RARB: variants seen among roughly 807,000 people sequenced by gnomAD.
The protein encoded by RARB is HBV-activated protein.
RARB carries 17 observed loss-of-function variants against 51.9 expected under a neutral mutation model. The ratio of observed to expected loss-of-function variants is 0.33; its 90% CI spans 0.22 to 0.49. The LOEUF (loss-of-function observed/expected upper bound fraction) is 0.49. RARB is among the 20% of genes least tolerant of loss of function. The probability of loss-of-function intolerance (pLI) is 0.99; values close to 1 mark genes in which losing one functional copy is unlikely to be tolerated. For synonymous variants in RARB, 215 were observed against 195.4 expected (o/e 1.10, Z -0.84); for missense variants, 369 against 550.8 (o/e 0.67, Z 3.30).
At chr3:25,070,024 C>T (rs1162753043) in intron 3 of RARB, among the ~76,000 whole-genome samples, 1 of 152,198 alleles carries the variant, frequency 6.6e-6, no homozygotes, top group East Asian at 1.9e-4. Flanking sequence ...AGGTATCAGG[C>T]AAGGCCATGC....
chr3:25,363,595 A>C (rs557169183), intron 5 of RARB, among the ~76,000 whole-genome samples: 2 of 152,252 alleles, frequency 1.3e-5, no homozygotes, highest in East Asian at 3.9e-4. Context: ...TCTACAATCT[A>C]ATGACTTCTC....
At chr3:24,870,195 G>C (rs960807975) in intron 2 of RARB, among the ~76,000 whole-genome samples, 6 of 151,976 alleles carry the variant, frequency 3.9e-5, no homozygotes, top group African/African-American at 1.4e-4. Flanking sequence ...GATGAATACA[G>C]TTTATTAATT....
chr3:25,319,718 C>G (rs1481469009), intron 5 of RARB, among the ~76,000 whole-genome samples: 2 of 152,104 alleles, frequency 1.3e-5, no homozygotes, highest in African/African-American at 2.4e-5. Flanking sequence ...AGAAAGTGAT[C>G]TGATGATGAA....
chr3:25,057,590 A>C (rs1288251961), intron 2 of RARB, among the ~76,000 whole-genome samples: 1 of 152,056 alleles, frequency 6.6e-6, no homozygotes, highest in African/African-American at 2.4e-5. Flanking sequence ...GACTTGGCAT[A>C]GGAAAGACTT....
In RARB at chr3:24,966,347, T is replaced by A. The variant is rs115412774; in HGVS notation, c.-379-93778T>A. 2.1e-3 allele frequency among the ~76,000 whole-genome samples: 322 copies of A among 152,258 alleles called. 1 individual carries two copies. The highest frequency in any genetic ancestry group is 7.3e-3 in the African/African-American group (302 of 41,570). ...ACCTAATTACTTAAAAGAAACAATT[T>A]TAACAAATGAAAGAAGGAGGTGAGT... On this transcript the variant is annotated intron_variant, in intron 2 of 11. Transcript: ENST00000383772.
chr3:25,014,635 A>T (rs1697469518), intron 2 of RARB, among the ~76,000 whole-genome samples: 1 of 152,096 alleles, frequency 6.6e-6, no homozygotes, highest in Admixed American at 6.6e-5. Context: ...TTCCTGATTG[A>T]CAGACTTGTG....
chr3:25,430,429 G>C (rs902897467), intron 1 of RARB, among the ~76,000 whole-genome samples: 2 of 152,246 alleles, frequency 1.3e-5, no homozygotes, highest in Non-Finnish European at 2.9e-5. Flanking sequence ...TCTTGTTAGA[G>C]AAAGTGGTAA....
At chr3:25,053,016 C>G (rs1698368063) in intron 2 of RARB, among the ~76,000 whole-genome samples, 1 of 152,044 alleles carries the variant, frequency 6.6e-6, no homozygotes, top group African/African-American at 2.4e-5. Context: ...TTGGAGCATT[C>G]CAATTTAGTT....
chr3:25,211,042 TG>T (rs2125378248), intron 5 of RARB, among the ~76,000 whole-genome samples: 1 of 152,300 alleles, frequency 6.6e-6, no homozygotes, highest in South Asian at 2.1e-4. Flanking sequence ...CTGATAAAGT[TG>T]TAAAGATTAA....
At chr3:25,176,934 T>TTTG (rs2125355012) in intron 5 of RARB, among the ~76,000 whole-genome samples, 1 of 152,004 alleles carries the variant, frequency 6.6e-6, no homozygotes, top group African/African-American at 2.4e-5. Flanking sequence ...AAAGCGAGGG[T>TTTG]TTGAAGTTCA....
At position 25,597,423 on chromosome 3, in the gene RARB, A is replaced by ATTTT. The variant is rs545264042; in HGVS notation, c.*811_*814dup. ...ATAACTACACAGTTAGTTAAAAAAA[A>ATTTT]TTTTTTTACAGTAATGATAGCCTCC... On this transcript the variant is annotated 3_prime_UTR_variant, in exon 8 of 8. Transcript: ENST00000330688. 2 of 152,440 alleles carry ATTTT rather than the reference A, an allele frequency of 1.3e-5. No homozygotes were observed. Among genetic ancestry groups the ATTTT allele is most frequent in the Non-Finnish European group, 2.9e-5 (2 of 67,960 alleles). 9.4% of individuals were successfully genotyped at this position (152,440 alleles called of 1,614,324 possible). A position where few individuals can be genotyped will look rare whatever the true frequency, so the allele number is the denominator to read the frequency against.
At chr3:25,391,505 C>T (rs934060717) in intron 5 of RARB, among the ~76,000 whole-genome samples, 1 of 152,140 alleles carries the variant, frequency 6.6e-6, no homozygotes, top group African/African-American at 2.4e-5. Flanking sequence ...AGTTTACATT[C>T]CCAATAGCAG....
chr3:25,458,712 AGATTT>A (rs752076488), intron 1 of RARB, among the ~76,000 whole-genome samples: 37 of 152,198 alleles, frequency 2.4e-4, no homozygotes, highest in Non-Finnish European at 2.9e-5. Flanking sequence ...AGACTATAAT[AGATTT>A]ATCTACTAGG....
intron 2 of RARB, among the ~76,000 whole-genome samples, chr3:24,910,763 A>T: frequency 6.6e-6 from 1 of 152,180 alleles, no homozygotes; most frequent in Non-Finnish European, 1.5e-5. Context: ...AGAAAAGACC[A>T]TGGAGAATTA....
chr3:25,579,316 A>G (rs1220905803), intron 4 of RARB, among the ~76,000 whole-genome samples: 1 of 152,198 alleles, frequency 6.6e-6, no homozygotes, highest in Non-Finnish European at 1.5e-5. Flanking sequence ...TCCAGTCAAG[A>G]TGTAGAATAT....
intron 2 of RARB, among the ~76,000 whole-genome samples, chr3:24,990,149 A>T (rs1696880461): frequency 1.0e-5 from 1 of 96,898 alleles, no homozygotes; most frequent in Non-Finnish European, 2.0e-5. Flanking sequence ...TTATTTCACT[A>T]TTGTTTATTT....
chr3:25,304,710 C>G (rs149339204), intron 5 of RARB, among the ~76,000 whole-genome samples: 1 of 152,150 alleles, frequency 6.6e-6, no homozygotes, highest in African/African-American at 2.4e-5. Context: ...AATTAGTTTC[C>G]TTGCTCCCAC....
At chr3:25,002,750 G>C (rs1432953776) in intron 2 of RARB, among the ~76,000 whole-genome samples, 1 of 37,190 alleles carries the variant, frequency 2.7e-5, no homozygotes, top group Admixed American at 2.1e-4. Context: ...GACATATTCT[G>C]TGTGTGTGTG....
intron 5 of RARB, among the ~76,000 whole-genome samples, chr3:25,241,453 A>G (rs559615147): frequency 6.6e-6 from 1 of 152,166 alleles, no homozygotes; most frequent in African/African-American, 2.4e-5. Flanking sequence ...TCCTAATGCT[A>G]TGCCTCCCCT....
Sources: allele counts gnomAD v4.1 joint callset (sites outside exome capture counted in the v4.1 genomes callset), GRCh38; gene constraint gnomAD v4.1.1; transcripts MANE v1.5; gene names NCBI Gene and HGNC (gene_info 2026-07-23, HGNC 2026-07-21).